The following LRRC43 variants were observed in gnomAD, a reference collection of about 807,000 sequenced individuals.
The protein encoded by LRRC43 is leucine rich repeat containing 43, also known as leucine-rich repeat-containing protein 43.
A neutral mutation model predicts 64.3 loss-of-function variants in LRRC43; 62 were observed. That is an observed-to-expected ratio of 0.96 (90% confidence interval 0.79 to 1.19). LRRC43 has a LOEUF of 1.19. LRRC43 is among the 50% of genes most tolerant of loss of function. The pLI is 0.00. For missense variants in LRRC43, 868 were observed against 845.0 expected, an observed-to-expected ratio of 1.03 and a Z score of -0.34; for synonymous variants, 422 against 382.3, an observed-to-expected ratio of 1.10 and a Z score of -1.21.
rs1344385100 is a variant in LRRC43, at chr12:122,190,142, C to A, written c.675C>A (p.Val225=). ...YVTANHWPNL[V]SLDLGFNDLT... ...GCTCACCTTCCAGGCCCAACCTCGT[C>A]TCCCTGGACCTGGGCTTCAACGACC... Residue 225 remains valine, a synonymous_variant, in exon 5 of 12, where the codon GTC becomes GTA. Transcript: ENST00000339777. The A allele has an allele frequency of 6.2e-7, 1 of 1,613,976 alleles. No homozygotes were observed. Among genetic ancestry groups the A allele is most frequent in the African/African-American group, 1.3e-5 (1 of 74,918 alleles).
chr12:122,199,219 C>G (rs1953805388), intron 7 of LRRC43, among the ~76,000 whole-genome samples: 1 of 148,882 alleles, frequency 6.7e-6, no homozygotes, highest in Admixed American at 6.8e-5. Context: ...TGTTCTGAGA[C>G]TTAGGAAACT....
chr12:122,200,426 C>CTGGT lies in LRRC43; in HGVS notation c.1491+98_1491+101dup. 6.2e-7 allele frequency: 1 copy of CTGGT among 1,608,514 alleles called. No homozygotes were observed. The highest frequency in any genetic ancestry group is 8.5e-7 in the Non-Finnish European group (1 of 1,176,114). On this transcript the variant is annotated intron_variant, in intron 8 of 11. Transcript: ENST00000339777. The surrounding 1 kb of genome is among the most constrained non-coding windows in gnomAD (Gnocchi z 4.6). Reference sequence around the variant, plus strand: ...CTGTCCCCCATGGGAGCCGCACTCCCTGGTTAGATGAGTTCTCAGCGCCAT... The same window carrying CTGGT: ...CTGTCCCCCATGGGAGCCGCACTCCCTGGTTGGTTAGATGAGTTCTCAGCGCCAT...
chr12:122,168,153 T>C (rs995766423), intron 1 of LRRC43, among the ~76,000 whole-genome samples: 3 of 142,616 alleles, frequency 2.1e-5, no homozygotes, highest in Non-Finnish European at 3.0e-5. Context: ...AAAATAGAAG[T>C]GGGAAGGCCG....
chr12:122,169,118 C>G (rs940304915), intron 1 of LRRC43, among the ~76,000 whole-genome samples: 2 of 152,080 alleles, frequency 1.3e-5, no homozygotes, highest in Admixed American at 6.6e-5. Context: ...GCCACCTTAC[C>G]GTATTCCCTC....
chr12:122,175,288 G>T (rs1953527540), intron 1 of LRRC43, among the ~76,000 whole-genome samples: 1 of 151,714 alleles, frequency 6.6e-6, no homozygotes, highest in Non-Finnish European at 1.5e-5. Flanking sequence ...TCTTGCCTCA[G>T]CCTCCTGAGT....
Position 122,191,574 on chromosome 12 carries a change from C to T in LRRC43, c.1089+7C>T. 2 of 1,612,690 alleles carry T rather than the reference C, an allele frequency of 1.2e-6. No individual in the cohort carries two copies. The highest frequency in any genetic ancestry group is 1.7e-6 in the Non-Finnish European group (2 of 1,179,224). On this transcript the variant is annotated splice_region_variant and intron_variant, in intron 6 of 11. Coordinates refer to ENST00000339777, the MANE Select transcript of LRRC43 (RefSeq NM_001098519.2). ...CGCGGGCGTCCTGGCCGAGGTGTGCCCTGGTCTGTCCCTAGGAGTATGGGG... is the reference window on the plus strand; with the variant it reads ...CGCGGGCGTCCTGGCCGAGGTGTGCTCTGGTCTGTCCCTAGGAGTATGGGG...
chr12:122,192,620 G>T (rs556929082), intron 6 of LRRC43, 125 bp from the exon 7 acceptor site: 11 of 1,076,216 alleles, frequency 1.0e-5, no homozygotes, highest in Non-Finnish European at 1.2e-5. Context: ...GCCTCCTAGC[G>T]TGGTGTGTCT....
rs1953818108 is a variant in LRRC43, at chr12:122,200,147, C to G, written c.1350-42C>G. 1 of 1,600,732 alleles carries G rather than the reference C, an allele frequency of 6.2e-7. No individual in the cohort carries two copies. The highest frequency in any genetic ancestry group is 1.7e-5 in the Admixed American group (1 of 58,534). ...CTGTCCCGGGTCCCTGGCCACAGCC[C>G]CTGGGTGACGGCACCCCCGTCTTCA... On this transcript the variant is annotated intron_variant, in intron 7 of 11. Coordinates refer to ENST00000339777, the MANE Select transcript of LRRC43 (RefSeq NM_001098519.2). This position sits in a 1 kb window ranked among gnomAD's most constrained non-coding sequence, Gnocchi z 4.6.
At chr12:122,182,317 A>G (rs1406551860), upstream of LRRC43, among the ~76,000 whole-genome samples, 1 of 152,092 alleles carries the variant, frequency 6.6e-6, no homozygotes, top group Non-Finnish European at 1.5e-5. Context: ...TGAGGTCAGG[A>G]GTTCGAGACC....
At chr12:122,174,170 C>T in intron 1 of LRRC43, 1 of 1,614,106 alleles carries the variant, frequency 6.2e-7, no homozygotes, top group Non-Finnish European at 8.5e-7. Flanking sequence ...AGTGAGAGGC[C>T]ATGGCGAGAG....
chr12:122,200,154 G>GA lies in LRRC43; in HGVS notation c.1350-34dup. ...GGGTCCCTGGCCACAGCCCCTGGGT[G>GA]ACGGCACCCCCGTCTTCATCCCTCC... is the stretch of plus-strand genomic sequence containing the variant. On this transcript the variant is annotated intron_variant, in intron 7 of 11. Coordinates refer to ENST00000339777, the MANE Select transcript of LRRC43 (RefSeq NM_001098519.2). The surrounding 1 kb of genome is among the most constrained non-coding windows in gnomAD (Gnocchi z 4.6). The GA allele has an allele frequency of 6.2e-7, 1 of 1,603,550 alleles. No individual in the cohort carries two copies. Among genetic ancestry groups the GA allele is most frequent in the Non-Finnish European group, 8.5e-7 (1 of 1,174,534 alleles).
intron 7 of LRRC43, among the ~76,000 whole-genome samples, chr12:122,195,627 T>C (rs1296200860): frequency 6.6e-6 from 1 of 152,176 alleles, no homozygotes; most frequent in East Asian, 1.9e-4. Context: ...TTATTGGGAT[T>C]CCTTTGTCTG....
At position 122,184,607 on chromosome 12, in the gene LRRC43, C is replaced by T. The variant is rs753792682; in HGVS notation, c.239C>T (p.Thr80Met). The T allele has an allele frequency of 1.5e-5, 24 of 1,613,768 alleles. No homozygotes were observed. The highest frequency in any genetic ancestry group is 1.3e-4 in the East Asian group (6 of 44,882). ...GATGTGGTGAGCCCCGGAGAGGAGA[C>T]GGTGGAGGCCCTGCTGGGCCTGGTC... Reference protein sequence around the residue: ...EEDVVSPGEETVEALLGLVRS... With the variant: ...EEDVVSPGEEMVEALLGLVRS... Residue 80 changes from threonine (T) to methionine (M), a missense_variant, in exon 2 of 12, where the codon ACG (threonine) becomes ATG (methionine). By Grantham distance (81) the Thr-to-Met change is moderately conservative. Transcript: ENST00000339777. The surrounding 1 kb of genome is among the most constrained non-coding windows in gnomAD (Gnocchi z 4.0).
rs200531837 is a variant in LRRC43, at chr12:122,192,731, G to T, written c.1090-14G>T. 3.7e-6 allele frequency: 6 copies of T among 1,610,216 alleles called. No individual in the cohort carries two copies. Among genetic ancestry groups the T allele is most frequent in the Non-Finnish European group, 5.1e-6 (6 of 1,176,964 alleles). ...AGACGGCAGCCTTGGACGAGTTTCT[G>T]TCTCTTCCTGCAGATCGTCAAGCCC... On this transcript the variant is annotated splice_polypyrimidine_tract_variant and intron_variant, in intron 6 of 11. Transcript: ENST00000339777.
Position 122,184,700 on chromosome 12 carries a change from T to G in LRRC43, c.332T>G (p.Leu111Trp), listed in dbSNP as rs1459215739. Residue 111 changes from leucine to tryptophan, a missense_variant, in exon 2 of 12, where the codon TTG becomes TGG. Transcript: ENST00000339777. The surrounding 1 kb of genome is among the most constrained non-coding windows in gnomAD (Gnocchi z 4.0). ...GCAGAAGACAGTTTCCTGAGAGAATTGGCCATCCGGAACCCGCTGACGATC... is the reference window on the plus strand; with the variant it reads ...GCAGAAGACAGTTTCCTGAGAGAATGGGCCATCCGGAACCCGCTGACGATC... The part of the protein sequence containing the change: ...SNAEDSFLRE[L>W]AIRNPLTITD... 1.2e-6 allele frequency: 2 copies of G among 1,613,922 alleles called. No individual in the cohort carries two copies. The highest frequency in any genetic ancestry group is 1.7e-6 in the Non-Finnish European group (2 of 1,179,862).
rs887228102 is a variant in LRRC43, at chr12:122,184,810, A to AG, written c.411+34dup. The AG allele has an allele frequency of 7.6e-6, 12 of 1,570,648 alleles. No individual in the cohort carries two copies. Among genetic ancestry groups the AG allele is most frequent in the Non-Finnish European group, 1.0e-5 (12 of 1,157,782 alleles). ...TGCTGGGCACGTGGTAGGTGATGTT[A>AG]GGGTGGCCGCTCCCCTAAGGGAGGT... On this transcript the variant is annotated intron_variant, in intron 2 of 11. Coordinates refer to ENST00000339777, the MANE Select transcript of LRRC43 (RefSeq NM_001098519.2). The surrounding 1 kb of genome is among the most constrained non-coding windows in gnomAD (Gnocchi z 4.0).
upstream of LRRC43, among the ~76,000 whole-genome samples, chr12:122,180,300 C>G (rs527547140): frequency 2.6e-5 from 4 of 152,136 alleles, no homozygotes; most frequent in Non-Finnish European, 5.9e-5. Context: ...AGGTGGATCA[C>G]TTGAGGTCAG....
Position 122,190,233 on chromosome 12 carries a change from C to CAGGGAAACCCACTGGCCTTGGTGCTGA in LRRC43, c.790_791insTGAAGGGAAACCCACTGGCCTTGGTGC (p.Val263_Pro264insLeuLysGlyAsnProLeuAlaLeuVal). 1 of 1,614,076 alleles carries CAGGGAAACCCACTGGCCTTGGTGCTGA rather than the reference C, an allele frequency of 6.2e-7. No homozygotes were observed. The highest frequency in any genetic ancestry group is 8.5e-7 in the Non-Finnish European group (1 of 1,180,000). ...CCGGCACCTGCGACTCCTGGTGCTG[C>CAGGGAAACCCACTGGCCTTGGTGCTGA]AGGGAAACCCACTGGCCTTGGTGCC... On this transcript the variant is annotated inframe_insertion, in exon 5 of 12. Transcript: ENST00000339777.
intron 4 of LRRC43, among the ~76,000 whole-genome samples, chr12:122,188,535 G>T (rs1427226158): frequency 6.6e-6 from 1 of 151,508 alleles, no homozygotes; most frequent in East Asian, 1.9e-4. Flanking sequence ...CCACCTCCCA[G>T]GGTCAAGCAA....
Sources: allele counts gnomAD v4.1 joint callset (sites outside exome capture counted in the v4.1 genomes callset), GRCh38; gene constraint gnomAD v4.1.1; non-coding constraint Gnocchi (gnomAD v3.1); transcripts MANE v1.5; gene names NCBI Gene and HGNC (gene_info 2026-07-23, HGNC 2026-07-21).